APAF1: variants seen among roughly 807,000 people sequenced by gnomAD.
APAF1 encodes apoptotic protease-activating factor 1.
A neutral mutation model predicts 152.4 loss-of-function variants in APAF1; 91 were observed. That is an observed-to-expected ratio of 0.60 (90% confidence interval 0.50 to 0.71). The LOEUF is 0.71. APAF1 is among the 30% of genes least tolerant of loss of function. APAF1 has a pLI of 0.00. For synonymous variants in APAF1, 484 were observed against 494.1 expected, an observed-to-expected ratio of 0.98 and a Z score of 0.27; for missense variants, 1,283 against 1,472.0, an observed-to-expected ratio of 0.87 and a Z score of 2.10.
At chr12:98,656,870 T>G (rs1346166994) in intron 4 of APAF1, among the ~76,000 whole-genome samples, 1 of 152,222 alleles carries the variant, frequency 6.6e-6, no homozygotes, top group Admixed American at 6.5e-5. Context: ...TCCAGCTGAA[T>G]GCTTTGAGGT....
chr12:98,671,110 T>C (rs1299373845), intron 11 of APAF1, 24 bp downstream of exon 11: 2 of 1,407,140 alleles, frequency 1.4e-6, no homozygotes, highest in Non-Finnish European at 1.0e-6. Context: ...CATGAAAAAT[T>C]AGTGCTAAAA....
chr12:98,665,700 T>C lies in APAF1; in HGVS notation c.1103T>C (p.Met368Thr). The change falls in exon 8 of 27, where the codon ATG (methionine) becomes ACG (threonine). Residue 368 changes from methionine to threonine, a missense_variant. Met to Thr is a moderately conservative substitution (Grantham distance 81, BLOSUM62 -1). Coordinates refer to ENST00000551964, the MANE Select transcript of APAF1 (RefSeq NM_181861.2). ...GATTATGAGGCTCTAGATGAAGCCA[T>C]GTCTATAAGTGTTGAAATGCTCAGA... ...SYDYEALDEA[M>T]SISVEMLRED... is the part of the protein sequence containing the mutation. The C allele has an allele frequency of 6.2e-7, 1 of 1,614,056 alleles. No homozygotes were observed. The highest frequency in any genetic ancestry group is 8.5e-7 in the Non-Finnish European group (1 of 1,179,956).
chr12:98,727,606 A>G (rs970853744), intron 26 of APAF1, among the ~76,000 whole-genome samples: 2 of 152,080 alleles, frequency 1.3e-5, no homozygotes, highest in African/African-American at 4.8e-5. Context: ...AAAGAACAGA[A>G]AAAAATATTG....
intron 16 of APAF1, among the ~76,000 whole-genome samples, chr12:98,692,011 ACCATG>A (rs145223718): frequency 0.019 from 2,961 of 152,282 alleles, 36 homozygotes; most frequent in Non-Finnish European, 0.031. Flanking sequence ...TAAGTAACAT[ACCATG>A]CCTCAAAGTT....
At chr12:98,648,263 A>G (rs2097644521) in intron 1 of APAF1, 56 bp from the exon 2 acceptor site, 2 of 1,437,712 alleles carry the variant, frequency 1.4e-6, no homozygotes. Context: ...TAGTGAGATT[A>G]TGTATCTTTT....
chr12:98,680,423 T>G, intron 14 of APAF1, 21 bp downstream of exon 14: 2 of 1,610,326 alleles, frequency 1.2e-6, no homozygotes, highest in Non-Finnish European at 1.7e-6. Flanking sequence ...CTTTTCCTCT[T>G]GAGTTGTAAT....
chr12:98,681,372 T>G (rs1593060211), intron 14 of APAF1, among the ~76,000 whole-genome samples: 1 of 152,128 alleles, frequency 6.6e-6, no homozygotes, highest in African/African-American at 2.4e-5. Flanking sequence ...AGAGAGTAAT[T>G]TTTATTTTTG....
At chr12:98,691,844 C>T (rs1166159296) in intron 16 of APAF1, among the ~76,000 whole-genome samples, 1 of 152,074 alleles carries the variant, frequency 6.6e-6, no homozygotes, top group Non-Finnish European at 1.5e-5. Context: ...GCTATTCCTG[C>T]AGCATCTAAC....
chr12:98,685,484 G>A (rs1009330637), intron 15 of APAF1, among the ~76,000 whole-genome samples: 6 of 151,634 alleles, frequency 4.0e-5, no homozygotes, highest in African/African-American at 9.7e-5. Context: ...TACAGGTGCC[G>A]TGCCACCATG....
rs370296466 is a variant in APAF1, at chr12:98,689,829, A to G, written c.2304+2956A>G. On this transcript the variant is annotated intron_variant, in intron 16 of 26. Coordinates refer to ENST00000551964, the MANE Select transcript of APAF1 (RefSeq NM_181861.2). ...TGGTTCTGAGTACATATATCTATCT[A>G]TATCTATAGGTAGAAACTGCTTGGT... 5.3e-5 allele frequency among the ~76,000 whole-genome samples: 8 copies of G among 152,236 alleles called. No individual in the cohort carries two copies. The East Asian group carries it at 1.5e-3, about 29-fold the overall frequency.
At position 98,662,728 on chromosome 12, in the gene APAF1, G is replaced by C. The variant is rs1046826037; in HGVS notation, c.877G>C (p.Glu293Gln). Residue 293 changes from glutamate (E) to glutamine (Q), a missense_variant, in exon 7 of 27, where the codon GAA becomes CAA. Physicochemically the swap from Glu to Gln is conservative, Grantham distance 29. Coordinates refer to ENST00000551964, the MANE Select transcript of APAF1 (RefSeq NM_181861.2). ...TTCCTTAGGAAAGGAAAAAGGACTT[G>C]AAATTTTATCCCTTTTTGTTAATAT... ...ESSLGKEKGL[E>Q]ILSLFVNMKK... 8 of 1,612,616 alleles carry C rather than the reference G, an allele frequency of 5.0e-6. No homozygotes were observed. In the Admixed American group the frequency reaches 1.0e-4, roughly 20 times the overall value.
At chr12:98,715,868 T>C (rs1434135182) in intron 22 of APAF1, among the ~76,000 whole-genome samples, 3 of 152,222 alleles carry the variant, frequency 2.0e-5, no homozygotes, top group Non-Finnish European at 4.4e-5. Context: ...AATTTCTCTT[T>C]ATTTTTCTTT....
At chr12:98,664,478 C>T (rs1261478474) in intron 7 of APAF1, among the ~76,000 whole-genome samples, 1 of 151,458 alleles carries the variant, frequency 6.6e-6, no homozygotes, top group Non-Finnish European at 1.5e-5. Context: ...AGTATTGCCT[C>T]CAGTCTTTTA....
chr12:98,651,099 A>G (rs1240117366), intron 4 of APAF1, among the ~76,000 whole-genome samples: 1 of 152,242 alleles, frequency 6.6e-6, no homozygotes, highest in East Asian at 1.9e-4. Flanking sequence ...AGAAAATCCT[A>G]GAGATACTGG....
At chr12:98,712,280 T>C in intron 20 of APAF1, 39 bp from the exon 21 acceptor site, 2 of 1,199,974 alleles carry the variant, frequency 1.7e-6, no homozygotes, top group Non-Finnish European at 1.2e-6. Context: ...AAAACTGCTC[T>C]TACAGCCTAA....
In APAF1 at chr12:98,677,474, A is replaced by T. The variant is rs1421676580; in HGVS notation, c.1843A>T (p.Thr615Ser). Residue 615 changes from threonine to serine, a missense_variant, in exon 13 of 27, where the codon ACA becomes TCA. By Grantham distance (58) the Thr-to-Ser change is moderately conservative. Transcript: ENST00000551964. ...TTCCCGCTTAGTTGTCCGCCCCCAC[A>T]CAGATGCTGTTTACCATGCCTGCTT... Reference protein sequence around the residue: ...NLSRLVVRPHTDAVYHACFSE... With the variant: ...NLSRLVVRPHSDAVYHACFSE... The T allele has an allele frequency of 6.2e-7, 1 of 1,614,180 alleles. No individual in the cohort carries two copies. Among genetic ancestry groups the T allele is most frequent in the South Asian group, 1.1e-5 (1 of 91,084 alleles).
At chr12:98,684,309 TAA>T in intron 15 of APAF1, among the ~76,000 whole-genome samples, 1 of 152,220 alleles carries the variant, frequency 6.6e-6, no homozygotes, top group East Asian at 1.9e-4. Flanking sequence ...TCAGTGTGTA[TAA>T]GAGTTAAAGC....
At chr12:98,651,922 T>G (rs1325280938) in intron 4 of APAF1, among the ~76,000 whole-genome samples, 2 of 152,066 alleles carry the variant, frequency 1.3e-5, no homozygotes, top group African/African-American at 4.8e-5. Flanking sequence ...TCAAGTGATC[T>G]TCCCACCTCA....
At chr12:98,710,906 C>T (rs1289755390) in intron 20 of APAF1, among the ~76,000 whole-genome samples, 3 of 152,182 alleles carry the variant, frequency 2.0e-5, no homozygotes, top group African/African-American at 7.2e-5. Context: ...TCTTTACAGT[C>T]TCTGAGCTAG....
Sources: gnomAD v4.1 joint callset for allele counts (sites outside exome capture counted in the v4.1 genomes callset) on GRCh38, gnomAD v4.1.1 for gene constraint, MANE v1.5 for transcripts, NCBI Gene and HGNC (gene_info 2026-07-23, HGNC 2026-07-21) for gene names.